ARHGAP8: variants seen among roughly 807,000 people sequenced by gnomAD.
ARHGAP8 encodes the protein Rho GTPase activating protein 8.
In ARHGAP8, 62 loss-of-function variants were observed where a neutral mutation model predicts 46.1. That is an observed-to-expected ratio of 1.34 (90% CI 1.10 to 1.66). The LOEUF (loss-of-function observed/expected upper bound fraction) is 1.66. Among genes scored for constraint, ARHGAP8 ranks in the 40% most tolerant of loss-of-function variants. ARHGAP8 has a pLI of 0.00. For synonymous variants in ARHGAP8, 375 were observed against 243.1 expected (o/e 1.54, Z -5.05); for missense variants, 923 against 568.4 (o/e 1.62, Z -6.34).
At chr22:44,797,483 C>G (rs1297427711) in intron 2 of ARHGAP8, among the ~76,000 whole-genome samples, 5 of 152,210 alleles carry the variant, frequency 3.3e-5, no homozygotes, top group Admixed American at 3.3e-4. Context: ...AAAACTCCCA[C>G]TTGGCAAGGG....
chr22:44,829,310 GAAAA>G (rs1035798095), intron 7 of ARHGAP8, among the ~76,000 whole-genome samples: 6 of 148,450 alleles, frequency 4.0e-5, no homozygotes, highest in African/African-American at 7.5e-5. Flanking sequence ...AAAAAAAAAA[GAAAA>G]AGAAAAAACA....
chr22:44,796,554 A>G (rs1453232907), intron 2 of ARHGAP8, among the ~76,000 whole-genome samples: 2 of 151,436 alleles, frequency 1.3e-5, no homozygotes, highest in African/African-American at 4.9e-5. Flanking sequence ...GATCCCATCA[A>G]TCCCACTGAA....
At chr22:44,833,694 C>T (rs1341395947) in intron 7 of ARHGAP8, among the ~76,000 whole-genome samples, 1 of 152,020 alleles carries the variant, frequency 6.6e-6, no homozygotes, top group East Asian at 1.9e-4. Context: ...GAAGTGTTTC[C>T]TCCTCTTCTA....
chr22:44,817,817 A>C (rs1269134713), intron 5 of ARHGAP8, among the ~76,000 whole-genome samples: 2 of 151,854 alleles, frequency 1.3e-5, no homozygotes, highest in Non-Finnish European at 2.9e-5. Flanking sequence ...CAAAAAACAG[A>C]GAAAAGTCCT....
chr22:44,758,636 C>T (rs1255635991), intron 1 of ARHGAP8, among the ~76,000 whole-genome samples: 3 of 148,818 alleles, frequency 2.0e-5, no homozygotes, highest in African/African-American at 7.5e-5. Context: ...GGGAACATAG[C>T]GTGTGCAAAG....
chr22:44,799,536 C>CGG (rs1296239074), intron 2 of ARHGAP8, among the ~76,000 whole-genome samples: 1 of 152,064 alleles, frequency 6.6e-6, no homozygotes, highest in African/African-American at 2.4e-5. Context: ...GCCAGGTCCT[C>CGG]GGGGGCAGAG....
intron 2 of ARHGAP8, among the ~76,000 whole-genome samples, chr22:44,795,365 G>C (rs1268948938): frequency 6.6e-6 from 1 of 152,080 alleles, no homozygotes; most frequent in Non-Finnish European, 1.5e-5. Flanking sequence ...GGTGGAGGGG[G>C]CCCATGGCGT....
At chr22:44,763,407 G>A (rs753053074) in intron 1 of ARHGAP8, among the ~76,000 whole-genome samples, 12 of 141,518 alleles carry the variant, frequency 8.5e-5, no homozygotes, top group Non-Finnish European at 1.5e-4. Context: ...TGAGACACAA[G>A]AATCACTTGA....
chr22:44,845,863 C>G (rs77397275), intron 8 of ARHGAP8, among the ~76,000 whole-genome samples: 7,703 of 152,214 alleles, frequency 0.051, 301 homozygotes, highest in Middle Eastern at 0.078. Flanking sequence ...GCTGCTTTTA[C>G]CTTAATGGGA....
chr22:44,774,358 C>G (rs933770143), intron 1 of ARHGAP8, among the ~76,000 whole-genome samples: 56 of 152,208 alleles, frequency 3.7e-4, no homozygotes, highest in African/African-American at 1.3e-3. Flanking sequence ...ATGTCTGTGC[C>G]AAGGCTGACA....
intron 10 of ARHGAP8, among the ~76,000 whole-genome samples, chr22:44,853,475 G>A (rs768293444): frequency 3.3e-5 from 5 of 152,168 alleles, no homozygotes; most frequent in South Asian, 2.1e-4. Context: ...GAGGAAAGGA[G>A]AGGAACTGAG....
At chr22:44,770,174 G>A (rs1925892797) in intron 1 of ARHGAP8, among the ~76,000 whole-genome samples, 1 of 152,084 alleles carries the variant, frequency 6.6e-6, no homozygotes. Flanking sequence ...AACCCAGGAG[G>A]CGGAGGTTAC....
intron 8 of ARHGAP8, among the ~76,000 whole-genome samples, chr22:44,846,917 A>G (rs2069971408): frequency 1.3e-5 from 2 of 152,046 alleles, no homozygotes; most frequent in Admixed American, 6.6e-5. Flanking sequence ...AGGGAGGGGC[A>G]GTGGAGCTGA....
intron 7 of ARHGAP8, among the ~76,000 whole-genome samples, chr22:44,826,962 G>A (rs1372212772): frequency 6.6e-6 from 1 of 152,184 alleles, no homozygotes; most frequent in African/African-American, 2.4e-5. Flanking sequence ...CATGGCCCCC[G>A]ACGAAGTCCA....
chr22:44,802,129 A>G lies in ARHGAP8; in HGVS notation c.132A>G (p.Pro44=), dbSNP rs2239813. The part of the protein sequence containing the change: ...RVVTFSCCRM[P]PSHELDHQRL... ...TCACGTTCAGCTGCTGCCGGATGCCACCCTCCCACGAGCTGGACCACCAGC... is the reference window on the plus strand; with the variant it reads ...TCACGTTCAGCTGCTGCCGGATGCCGCCCTCCCACGAGCTGGACCACCAGC... Residue 44 remains proline (P), a synonymous_variant, in exon 3 of 12, where the codon CCA becomes CCG. Transcript: ENST00000356099. The G allele has an allele frequency of 0.49, 787,498 of 1,613,718 alleles. 200,085 individuals carry two copies. The highest frequency in any genetic ancestry group is 0.76 in the African/African-American group (57,098 of 74,984).
At chr22:44,769,971 C>T (rs970838669) in intron 1 of ARHGAP8, among the ~76,000 whole-genome samples, 11 of 151,908 alleles carry the variant, frequency 7.2e-5, no homozygotes, top group Admixed American at 6.6e-4. Flanking sequence ...AAATGATTGG[C>T]GCAGTGGCTC....
At position 44,810,400 on chromosome 22, in the gene ARHGAP8, C is replaced by T. The variant is rs1361402216; in HGVS notation, c.299+1962C>T. ...GGGACTACAGGCGTGAGCCACCATGCCCGGCTAATTTTTGTATTTTTAGTA... is the reference window on the plus strand; with the variant it reads ...GGGACTACAGGCGTGAGCCACCATGTCCGGCTAATTTTTGTATTTTTAGTA... On this transcript the variant is annotated intron_variant, in intron 4 of 11. Coordinates refer to ENST00000356099, the MANE Select transcript of ARHGAP8 (RefSeq NM_181335.3). Among the ~76,000 whole-genome samples, 3 of 152,158 alleles carry T rather than the reference C, an allele frequency of 2.0e-5. No individual in the cohort carries two copies. In the South Asian group the frequency reaches 6.2e-4, roughly 32 times the overall value.
chr22:44,781,074 C>T (rs961364922), intron 1 of ARHGAP8, among the ~76,000 whole-genome samples: 12 of 152,156 alleles, frequency 7.9e-5, no homozygotes, highest in South Asian at 2.1e-4. Context: ...CTATCATGTG[C>T]GCTGCCGGCG....
chr22:44,827,944 C>T (rs964290851), intron 7 of ARHGAP8, among the ~76,000 whole-genome samples: 1 of 152,118 alleles, frequency 6.6e-6, no homozygotes, highest in East Asian at 1.9e-4. Flanking sequence ...TCAGGATGGA[C>T]GAGGTCTGCA....
Sources: gnomAD v4.1 joint callset for allele counts (sites outside exome capture counted in the v4.1 genomes callset) on GRCh38, gnomAD v4.1.1 for gene constraint, MANE v1.5 for transcripts, NCBI Gene and HGNC (gene_info 2026-07-23, HGNC 2026-07-21) for gene names.